The following SPTAN1 variants were observed in gnomAD, a reference collection of about 807,000 sequenced individuals.
SPTAN1 encodes spectrin alpha, non-erythrocytic 1, also known as spectrin alpha chain, non-erythrocytic 1.
SPTAN1 carries 61 observed loss-of-function variants against 331.3 expected under a neutral mutation model. That is an observed-to-expected ratio of 0.18 (90% confidence interval 0.15 to 0.23). The LOEUF is 0.23. Among genes scored for constraint, SPTAN1 ranks in the 10% least tolerant of loss-of-function variants. The pLI, the probability that SPTAN1 is intolerant of heterozygous loss-of-function variation, is 1.00. For missense variants in SPTAN1, 2,043 were observed against 3,147.9 expected (o/e 0.65, Z 8.40); for synonymous variants, 1,153 against 1,173.9 (o/e 0.98, Z 0.36).
At chr9:128,613,575 G>A (rs1455953931) in intron 40 of SPTAN1, 90 bp downstream of exon 40, 13 of 1,094,228 alleles carry the variant, frequency 1.2e-5, no homozygotes, top group Non-Finnish European at 1.8e-5. Context: ...AGAAAAGAGA[G>A]TGACTTCTTT....
Position 128,608,057 on chromosome 9 carries a change from T to C in SPTAN1, c.4344+8T>C, listed in dbSNP as rs886063505. 9.9e-6 allele frequency: 16 copies of C among 1,614,164 alleles called. No individual in the cohort carries two copies. Among genetic ancestry groups the C allele is most frequent in the Non-Finnish European group, 1.3e-5 (15 of 1,180,038 alleles). Reference sequence around the variant, plus strand: ...CAGTGCCTTGAACTGCAGGTGTGTGTGCTCCTGGTTTCTGACCAAGTGTTT... The same window carrying C: ...CAGTGCCTTGAACTGCAGGTGTGTGCGCTCCTGGTTTCTGACCAAGTGTTT... On this transcript the variant is annotated splice_region_variant and intron_variant, in intron 33 of 56. Coordinates refer to ENST00000372739, the MANE Select transcript of SPTAN1 (RefSeq NM_001130438.3).
rs570366035 is a variant in SPTAN1, at chr9:128,572,514, A to G, written c.364-2161A>G. Among the ~76,000 whole-genome samples, 11 of 152,320 alleles carry G rather than the reference A, an allele frequency of 7.2e-5. No homozygotes were observed. In the South Asian group the frequency reaches 2.3e-3, roughly 32 times the overall value. On this transcript the variant is annotated intron_variant, in intron 3 of 56. Coordinates refer to ENST00000372739, the MANE Select transcript of SPTAN1 (RefSeq NM_001130438.3). Reference sequence around the variant, plus strand: ...TGTAAAAATGAAATATGTGAGATGGACAATTGACTTGAATGTGAGAGGATT... The same window carrying G: ...TGTAAAAATGAAATATGTGAGATGGGCAATTGACTTGAATGTGAGAGGATT...
chr9:128,572,150 G>T (rs1272786050), intron 3 of SPTAN1, among the ~76,000 whole-genome samples: 4 of 152,198 alleles, frequency 2.6e-5, no homozygotes, highest in African/African-American at 9.7e-5. Flanking sequence ...GTGAGCCACT[G>T]CACCCAGCCT....
At chr9:128,562,164 G>A (rs958203814) in intron 1 of SPTAN1, among the ~76,000 whole-genome samples, 6 of 152,078 alleles carry the variant, frequency 3.9e-5, no homozygotes, top group East Asian at 1.9e-4. Flanking sequence ...GTGCAGTGAC[G>A]CGATCTGGGC....
intron 22 of SPTAN1, among the ~76,000 whole-genome samples, chr9:128,592,463 T>C (rs905011105): frequency 6.6e-6 from 1 of 151,992 alleles, no homozygotes; most frequent in African/African-American, 2.4e-5. Flanking sequence ...TTAGTAGAGA[T>C]GGGGTTTCAC....
At chr9:128,605,741 C>G (rs1332762282) in intron 31 of SPTAN1, among the ~76,000 whole-genome samples, 1 of 152,072 alleles carries the variant, frequency 6.6e-6, no homozygotes, top group African/African-American at 2.4e-5. Flanking sequence ...TCTATAACCC[C>G]AGCACTTTGG....
intron 27 of SPTAN1, among the ~76,000 whole-genome samples, chr9:128,602,055 C>G (rs1422432222): frequency 6.6e-6 from 1 of 152,076 alleles, no homozygotes; most frequent in East Asian, 1.9e-4. Flanking sequence ...ATTTTAGGTA[C>G]CTTTATAAAT....
Position 128,612,149 on chromosome 9 carries a change from T to C in SPTAN1, c.4946T>C (p.Val1649Ala). Residue 1649 changes from valine to alanine, a missense_variant, in exon 39 of 57, where the codon GTG becomes GCG. Val to Ala is a moderately conservative substitution (Grantham distance 64, BLOSUM62 0). This residue lies in a region of SPTAN1 where 323 missense variants were observed against 581.1 expected (regional missense o/e 0.56). Coordinates refer to ENST00000372739, the MANE Select transcript of SPTAN1 (RefSeq NM_001130438.3). ...AALADQWQFLVQKSAEKSQKL... is the reference protein window; with the variant it reads ...AALADQWQFLAQKSAEKSQKL... ...TTAGCTGACCAGTGGCAGTTCTTGG[T>C]GCAAAAGTCAGCGGAAAAGAGCCAG... The C allele has an allele frequency of 6.2e-7, 1 of 1,614,154 alleles. No homozygotes were observed. Among genetic ancestry groups the C allele is most frequent in the Non-Finnish European group, 8.5e-7 (1 of 1,180,044 alleles).
intron 19 of SPTAN1, 126 bp downstream of exon 19, chr9:128,586,091 T>C (rs1852578009): frequency 7.3e-6 from 6 of 816,778 alleles, no homozygotes; most frequent in Admixed American, 2.5e-5. Context: ...TTAAAATGTT[T>C]TGGAATCCAT....
Position 128,583,975 on chromosome 9 carries a change from G to A in SPTAN1, c.2193+6G>A, listed in dbSNP as rs751573290. 1.2e-6 allele frequency: 2 copies of A among 1,614,160 alleles called. No homozygotes were observed. The highest frequency in any genetic ancestry group is 1.7e-6 in the Non-Finnish European group (2 of 1,180,018). On this transcript the variant is annotated splice_donor_region_variant and intron_variant, in intron 16 of 56. Coordinates refer to ENST00000372739, the MANE Select transcript of SPTAN1 (RefSeq NM_001130438.3). ...CAGATGTGGCTGCTCACCAGGTAGTGTGAACTGGGGGCTGTGGTTGGGCAA... is the reference window on the plus strand; with the variant it reads ...CAGATGTGGCTGCTCACCAGGTAGTATGAACTGGGGGCTGTGGTTGGGCAA...
intron 1 of SPTAN1, among the ~76,000 whole-genome samples, chr9:128,554,516 AGATCCTGAAAAGTGGATCTC>A (rs1354107235): frequency 5.1e-4 from 78 of 152,212 alleles, no homozygotes; most frequent in Non-Finnish European, 1.0e-3. Context: ...GGTCAACTGC[AGATCCTGAAAAGTGGATCTC>A]AGGAATAGTC....
At chr9:128,576,489 C>T (rs1851319045) in intron 5 of SPTAN1, among the ~76,000 whole-genome samples, 1 of 152,184 alleles carries the variant, frequency 6.6e-6, no homozygotes, top group Non-Finnish European at 1.5e-5. Flanking sequence ...ACCAAATTTT[C>T]AAGCAGTTAG....
intron 2 of SPTAN1, among the ~76,000 whole-genome samples, chr9:128,568,351 T>A (rs764734051): frequency 6.6e-6 from 1 of 152,132 alleles, no homozygotes; most frequent in Non-Finnish European, 1.5e-5. Flanking sequence ...AAAGAAAGTC[T>A]CATGTGTGAG....
chr9:128,609,756 C>T (rs763603522), intron 37 of SPTAN1, 91 bp downstream of exon 37: 16 of 843,496 alleles, frequency 1.9e-5, no homozygotes, highest in Admixed American at 3.5e-5. Context: ...TGTGGTCACA[C>T]GGTTTGCTGG....
chr9:128,577,534 A>G lies in SPTAN1; in HGVS notation c.1085+28A>G. The G allele has an allele frequency of 1.2e-6, 2 of 1,612,562 alleles. No homozygotes were observed. The highest frequency in any genetic ancestry group is 1.7e-6 in the Non-Finnish European group (2 of 1,180,018). On this transcript the variant is annotated intron_variant, in intron 8 of 56. Transcript: ENST00000372739. This position sits in a 1 kb window ranked among gnomAD's most constrained non-coding sequence, Gnocchi z 4.2. ...GCAAATAATGCTCCAGGTCTTAACC[A>G]GTATCATTTGGCTTCTTTTTTGGAA...
At position 128,609,248 on chromosome 9, in the gene SPTAN1, G is replaced by T; in HGVS notation, c.4722G>T (p.Ala1574=). ...EAWISEKLQT[A]SDESYKDPTN... is the part of the protein sequence containing the mutation. ...GGATCAGTGAAAAATTGCAAACAGCGAGTGATGAGTCGTACAAGGATCCCA... is the reference window on the plus strand; with the variant it reads ...GGATCAGTGAAAAATTGCAAACAGCTAGTGATGAGTCGTACAAGGATCCCA... Residue 1574 remains alanine, a synonymous_variant, in exon 36 of 57, where the codon GCG becomes GCT. Transcript: ENST00000372739. 6.2e-7 allele frequency: 1 copy of T among 1,614,228 alleles called. No homozygotes were observed. Among genetic ancestry groups the T allele is most frequent in the Non-Finnish European group, 8.5e-7 (1 of 1,180,042 alleles).
chr9:128,623,358 C>G (rs1429303757), intron 45 of SPTAN1, among the ~76,000 whole-genome samples: 1 of 151,978 alleles, frequency 6.6e-6, no homozygotes, highest in East Asian at 1.9e-4. Context: ...GCCACTGCAC[C>G]CAGCCCTGTA....
chr9:128,597,552 G>C (rs1854473498), intron 24 of SPTAN1, among the ~76,000 whole-genome samples: 1 of 152,164 alleles, frequency 6.6e-6, no homozygotes, highest in African/African-American at 2.4e-5. Context: ...AGTTAATGAA[G>C]TAAATTTGAG....
chr9:128,608,220 A>G lies in SPTAN1; in HGVS notation c.4435A>G (p.Ser1479Gly), dbSNP rs1047205525. The change falls in exon 34 of 57, where the codon AGC (serine) becomes GGC (glycine). Residue 1479 changes from serine to glycine, a missense_variant. Physicochemically the swap from Ser to Gly is moderately conservative, Grantham distance 56. Around this residue, in one of 12 missense-constraint regions of SPTAN1, gnomAD observed 179 missense variants for 215.7 expected, o/e 0.83. Coordinates refer to ENST00000372739, the MANE Select transcript of SPTAN1 (RefSeq NM_001130438.3). Reference protein sequence around the residue: ...NTEDKGDSLDSVEALIKKHED... With the variant: ...NTEDKGDSLDGVEALIKKHED... ...CGAAGACAAAGGAGACTCACTGGAC[A>G]GCGTAGAGGCTCTGATCAAAAAACA... 6.2e-7 allele frequency: 1 copy of G among 1,614,174 alleles called. No homozygotes were observed. The highest frequency in any genetic ancestry group is 8.5e-7 in the Non-Finnish European group (1 of 1,180,028).
Sources: allele counts gnomAD v4.1 joint callset (sites outside exome capture counted in the v4.1 genomes callset), GRCh38; gene constraint gnomAD v4.1.1; regional missense constraint gnomAD v4.1.1; non-coding constraint Gnocchi (gnomAD v3.1); transcripts MANE v1.5; gene names NCBI Gene and HGNC (gene_info 2026-07-23, HGNC 2026-07-21).